The following RGPD1 variants were observed in gnomAD, a reference collection of about 807,000 sequenced individuals.
The protein encoded by RGPD1 is RANBP2 like and GRIP domain containing 1.
RGPD1 carries 7 observed loss-of-function variants against 40.6 expected under a neutral mutation model. That is an observed-to-expected ratio of 0.17 (90% CI 0.10 to 0.32). The LOEUF (loss-of-function observed/expected upper bound fraction) is 0.32, where lower values mean the gene tolerates loss of function less well. Ranked by LOEUF, RGPD1 falls within the 10% of genes least tolerant of loss-of-function variation. The pLI, the probability that RGPD1 is intolerant of heterozygous loss-of-function variation, is 1.00. For synonymous variants in RGPD1, 24 were observed against 167.0 expected, an observed-to-expected ratio of 0.14 and a Z score of 6.60; for missense variants, 50 against 472.5, an observed-to-expected ratio of 0.11 and a Z score of 8.29.
chr2:86,923,358 A>G (rs1459129474), intron 1 of RGPD1, among the ~76,000 whole-genome samples: 1 of 151,304 alleles, frequency 6.6e-6, no homozygotes, highest in Non-Finnish European at 1.5e-5. Context: ...GTTATTCTTA[A>G]GTGGTCCAAA....
chr2:86,925,269 A>G (rs1446031031), intron 1 of RGPD1, among the ~76,000 whole-genome samples: 12 of 150,994 alleles, frequency 7.9e-5, no homozygotes, highest in African/African-American at 2.7e-4. Flanking sequence ...TTTTTATTTT[A>G]TTTTATTTTA....
intron 1 of RGPD1, among the ~76,000 whole-genome samples, chr2:86,942,691 CGGT>C (rs1364658789): frequency 2.8e-5 from 4 of 144,192 alleles, no homozygotes; most frequent in Non-Finnish European, 6.1e-5. Flanking sequence ...GGCCGGGCGG[CGGT>C]GGCCTCGACG....
rs542209724 is a variant in RGPD1, at chr2:86,933,002, TACAG to T, written c.73-18290_73-18287del. On this transcript the variant is annotated intron_variant, in intron 1 of 22. Coordinates refer to the RGPD1 transcript ENST00000398193. ...GTTCCTATGATTGCTGTCATGCACA[TACAG>T]ACACTAAATTGAGGGTCACTTTCCA... 1.2e-3 allele frequency among the ~76,000 whole-genome samples: 178 copies of T among 146,278 alleles called. 10 individuals are homozygous for T. Among genetic ancestry groups the T allele is most frequent in the Non-Finnish European group, 2.3e-3 (148 of 65,548 alleles).
At chr2:86,943,975 C>T (rs571656388) in intron 1 of RGPD1, among the ~76,000 whole-genome samples, 2 of 151,900 alleles carry the variant, frequency 1.3e-5, no homozygotes, top group Non-Finnish European at 2.9e-5. Context: ...GGTCGCGCTA[C>T]TGCACTCCAG....
intron 1 of RGPD1, chr2:86,930,172 G>C: frequency 6.9e-7 from 1 of 1,450,058 alleles, no homozygotes; most frequent in Non-Finnish European, 9.4e-7. Context: ...CCCTGCCCCA[G>C]ACTCACCCTC....
intron 22 of RGPD1, among the ~76,000 whole-genome samples, chr2:87,008,749 C>CT (rs1488455884): frequency 3.5e-5 from 1 of 28,276 alleles, no homozygotes; most frequent in Non-Finnish European, 7.0e-5. Context: ...GATAAAAACA[C>CT]TAAGAAGAAA....
At chr2:86,941,612 T>C (rs957450172), upstream of RGPD1, among the ~76,000 whole-genome samples, 5 of 151,792 alleles carry the variant, frequency 3.3e-5, no homozygotes, top group Admixed American at 6.5e-5. Flanking sequence ...GGTCCACTTA[T>C]AAGCTGACAG....
intron 1 of RGPD1, among the ~76,000 whole-genome samples, chr2:86,914,283 GGGCGGCGGCGGCGGCGGCGGCGGC>G (rs533309212): frequency 2.0e-4 from 2 of 10,228 alleles, no homozygotes; most frequent in Non-Finnish European, 3.3e-4. Flanking sequence ...GGCCTCGGCC[GGGCGGCGGCGGCGGCGGCGGCGGC>G]GGCGGCGGCG....
upstream of RGPD1, among the ~76,000 whole-genome samples, chr2:86,941,466 T>C (rs542024613): frequency 4.7e-5 from 7 of 149,334 alleles, no homozygotes; most frequent in African/African-American, 1.5e-4. Flanking sequence ...CAGTTCATTG[T>C]AACCTGGAAC....
chr2:86,918,261 C>T (rs1192645729), intron 1 of RGPD1, among the ~76,000 whole-genome samples: 1 of 148,064 alleles, frequency 6.8e-6, no homozygotes, highest in Non-Finnish European at 1.5e-5. Context: ...CCTTACAGGC[C>T]CTTATTAGAT....
At chr2:86,942,983 G>T (rs1680011154) in intron 1 of RGPD1, among the ~76,000 whole-genome samples, 1 of 151,934 alleles carries the variant, frequency 6.6e-6, no homozygotes, top group Non-Finnish European at 1.5e-5. Context: ...GTTCTCGGGG[G>T]CTTGGGCACC....
chr2:86,941,218 T>C (rs1171435228), upstream of RGPD1, among the ~76,000 whole-genome samples: 1 of 151,652 alleles, frequency 6.6e-6, no homozygotes, highest in Non-Finnish European at 1.5e-5. Context: ...AATGTTTTGT[T>C]AAATTTTGTT....
intron 1 of RGPD1, chr2:86,930,660 T>G (rs926003252): frequency 6.2e-7 from 1 of 1,610,994 alleles, no homozygotes; most frequent in African/African-American, 1.3e-5. Context: ...GGGCTGGTTG[T>G]TCACTCCTGG....
chr2:86,924,171 A>G (rs1236610425), intron 1 of RGPD1, among the ~76,000 whole-genome samples: 3 of 136,714 alleles, frequency 2.2e-5, no homozygotes, highest in African/African-American at 8.1e-5. Context: ...TTTTTGGGGG[A>G]GGGGGACAGA....
chr2:86,942,074 G>C (rs936350064), upstream of RGPD1, among the ~76,000 whole-genome samples: 6 of 151,372 alleles, frequency 4.0e-5, no homozygotes, highest in East Asian at 2.0e-4. Flanking sequence ...CTCGAGCGCC[G>C]ACGTCGCCAA....
At chr2:86,914,331 CGG>C (rs1294178642) in intron 1 of RGPD1, among the ~76,000 whole-genome samples, 2 of 23,296 alleles carry the variant, frequency 8.6e-5, no homozygotes, top group Non-Finnish European at 1.6e-4. Context: ...TCGGCCTGGC[CGG>C]GCGGCGGCGG....
chr2:86,941,251 C>T (rs1160101488), upstream of RGPD1, among the ~76,000 whole-genome samples: 1 of 149,310 alleles, frequency 6.7e-6, no homozygotes, highest in Non-Finnish European at 1.5e-5. Flanking sequence ...TTTTAATATC[C>T]AAATTCCCAA....
chr2:86,964,156 C>T lies in RGPD1; in HGVS notation c.975+932C>T, dbSNP rs1484845187. Among the ~76,000 whole-genome samples the T allele has an allele frequency of 7.4e-5, 8 of 107,858 alleles. 2 individuals carry two copies. The highest frequency in any genetic ancestry group is 1.3e-4 in the Non-Finnish European group (7 of 54,236). 70.8% of individuals were successfully genotyped at this position (107,858 alleles called of 152,430 possible). On this transcript the variant is annotated intron_variant, in intron 7 of 22. Coordinates refer to ENST00000641458, the MANE Select transcript of RGPD1 (RefSeq NM_001382344.1). ...CTCCTGAGTTCACACCATTTTCCTG[C>T]CTCAGCCTCCCGAGTAGCTGGAACT...
At chr2:86,960,889 G>GAGCTGA (rs1364062413) in intron 6 of RGPD1, among the ~76,000 whole-genome samples, 1 of 26,110 alleles carries the variant, frequency 3.8e-5, no homozygotes. Flanking sequence ...GCGCCCGGCT[G>GAGCTGA]GTCTCGATCT....
Sources: gnomAD v4.1 joint callset for allele counts (sites outside exome capture counted in the v4.1 genomes callset) on GRCh38, gnomAD v4.1.1 for gene constraint, MANE v1.5 for transcripts, NCBI Gene and HGNC (gene_info 2026-07-23, HGNC 2026-07-21) for gene names.